The following KCNG3 variants were observed in gnomAD, a reference collection of about 807,000 sequenced individuals.
KCNG3 encodes the protein potassium voltage-gated channel modifier subfamily G member 3, also known as voltage-gated potassium channel regulatory subunit KCNG3.
KCNG3 carries 15 observed loss-of-function variants against 29.0 expected under a neutral mutation model. That is an observed-to-expected ratio of 0.52 (90% CI 0.35 to 0.80). KCNG3 has a LOEUF of 0.80. Ranked by LOEUF, KCNG3 falls within the 30% of genes least tolerant of loss-of-function variation. The pLI is 0.01. For synonymous variants in KCNG3, 322 were observed against 248.9 expected, an observed-to-expected ratio of 1.29 and a Z score of -2.76; for missense variants, 512 against 605.7, an observed-to-expected ratio of 0.85 and a Z score of 1.62.
At chr2:42,469,331 C>A (rs552575017) in intron 1 of KCNG3, among the ~76,000 whole-genome samples, 1 of 151,056 alleles carries the variant, frequency 6.6e-6, no homozygotes, top group South Asian at 2.1e-4. Context: ...GCAGAAGAAT[C>A]GCTTGAACCC....
chr2:42,492,847 C>G lies in KCNG3; in HGVS notation c.655G>C (p.Glu219Gln). 1 of 1,498,568 alleles carries G rather than the reference C, an allele frequency of 6.7e-7. No homozygotes were observed. Among genetic ancestry groups the G allele is most frequent in the East Asian group, 2.5e-5 (1 of 40,414 alleles). The allele number at this position is 1,498,568 out of a possible 1,614,324, so 92.8% of individuals were successfully genotyped here. A position where few individuals can be genotyped will look rare whatever the true frequency, so the allele number is the denominator to read the frequency against. Residue 219 changes from glutamate to glutamine, a missense_variant, in exon 1 of 2, where the codon GAG becomes CAG. Transcript: ENST00000306078. ...RSRYSAGPGREPSGIIEAICI... is the reference protein window; with the variant it reads ...RSRYSAGPGRQPSGIIEAICI... ...AGCAGTGCGTCCTACCCGGAGGGCT[C>G]CCTCCCAGGGCCGGCGGAGTACCTG...
At chr2:42,411,258 T>A in the KCNG3 span, among the ~76,000 whole-genome samples, 2 of 152,230 alleles carry the variant, frequency 1.3e-5, no homozygotes, top group East Asian at 3.8e-4. Context: ...ATTCTTGCCA[T>A]TCTTGTTTAT....
rs540610922 is a variant in KCNG3 at position 42,469,560 on chromosome 2, G to A, written c.665+23277C>T. 1.7e-4 allele frequency among the ~76,000 whole-genome samples: 26 copies of A among 152,124 alleles called. No individual in the cohort carries two copies. The East Asian group carries it at 4.6e-3, about 27-fold the overall frequency. ...TAGTGCTAAGGAAAGTGTTATCCAC[G>A]TGAATAAAATTAAATTCCTCACATA... On this transcript the variant is annotated intron_variant, in intron 1 of 1. Transcript: ENST00000306078.
the KCNG3 span, among the ~76,000 whole-genome samples, chr2:42,420,533 T>C: frequency 6.6e-6 from 1 of 152,146 alleles, no homozygotes; most frequent in African/African-American, 2.4e-5. Flanking sequence ...CTCATGTCTG[T>C]AATCCCAGCA....
At chr2:42,419,559 T>C in the KCNG3 span, among the ~76,000 whole-genome samples, 2 of 151,994 alleles carry the variant, frequency 1.3e-5, no homozygotes, top group Non-Finnish European at 2.9e-5. Flanking sequence ...AGCCCTCAGA[T>C]GGTATTTCTT....
chr2:42,449,080 T>G (rs1389605833), intron 1 of KCNG3, among the ~76,000 whole-genome samples: 2 of 152,196 alleles, frequency 1.3e-5, no homozygotes, highest in Non-Finnish European at 2.9e-5. Flanking sequence ...TGTTCAGATT[T>G]TGGTATATGT....
chr2:42,431,265 T>C, the KCNG3 span, among the ~76,000 whole-genome samples: 1 of 152,124 alleles, frequency 6.6e-6, no homozygotes, highest in African/African-American at 2.4e-5. Flanking sequence ...TAGTACTGAA[T>C]ACATTTATTT....
chr2:42,418,938 T>C, the KCNG3 span, among the ~76,000 whole-genome samples: 59 of 152,268 alleles, frequency 3.9e-4, no homozygotes, highest in South Asian at 8.1e-3. Context: ...TTATGGCTCA[T>C]AGTGATTAAT....
chr2:42,393,592 G>A, the KCNG3 span, among the ~76,000 whole-genome samples: 2 of 151,922 alleles, frequency 1.3e-5, no homozygotes, highest in African/African-American at 4.8e-5. Flanking sequence ...CCAAACATAA[G>A]AAGTTCAGAG....
the KCNG3 span, among the ~76,000 whole-genome samples, chr2:42,411,229 A>T: frequency 2.0e-5 from 3 of 151,800 alleles, no homozygotes; most frequent in Non-Finnish European, 4.4e-5. Context: ...CCCTTCATTG[A>T]TTTACTTTTT....
the KCNG3 span, among the ~76,000 whole-genome samples, chr2:42,389,010 C>T: frequency 6.6e-6 from 1 of 152,096 alleles, no homozygotes; most frequent in Non-Finnish European, 1.5e-5. Flanking sequence ...CCCTATCTCC[C>T]AGGTTCACGC....
At chr2:42,484,050 C>G (rs1673656372) in intron 1 of KCNG3, among the ~76,000 whole-genome samples, 1 of 152,152 alleles carries the variant, frequency 6.6e-6, no homozygotes, top group African/African-American at 2.4e-5. Flanking sequence ...TCCTAAAGTG[C>G]TAGGACTACA....
At chr2:42,414,518 C>T in the KCNG3 span, among the ~76,000 whole-genome samples, 1 of 150,636 alleles carries the variant, frequency 6.6e-6, no homozygotes, top group Non-Finnish European at 1.5e-5. Flanking sequence ...AATATTTTGT[C>T]ATTTCACTGC....
chr2:42,475,454 G>C (rs530668721), intron 1 of KCNG3, among the ~76,000 whole-genome samples: 1 of 151,112 alleles, frequency 6.6e-6, no homozygotes, highest in African/African-American at 2.4e-5. Context: ...TCAGCCTCCC[G>C]GATAGCTGGG....
At chr2:42,487,776 G>T (rs1293805238) in intron 1 of KCNG3, among the ~76,000 whole-genome samples, 1 of 152,120 alleles carries the variant, frequency 6.6e-6, no homozygotes, top group East Asian at 1.9e-4. Flanking sequence ...GTATCCTATG[G>T]ATATACCTGC....
downstream of KCNG3, among the ~76,000 whole-genome samples, chr2:42,441,376 A>G (rs983669219): frequency 6.6e-6 from 1 of 152,116 alleles, no homozygotes; most frequent in Admixed American, 6.6e-5. Flanking sequence ...CAACCAAGCA[A>G]AACTCTATCT....
chr2:42,483,295 C>T (rs13015026), intron 1 of KCNG3, among the ~76,000 whole-genome samples: 38,808 of 151,974 alleles, frequency 0.26, 5,050 homozygotes, highest in Middle Eastern at 0.36. Flanking sequence ...ATATTTTAGA[C>T]GGAAATTTAG....
intron 1 of KCNG3, chr2:42,463,204 G>A: frequency 5.8e-6 from 2 of 347,590 alleles, no homozygotes; most frequent in Non-Finnish European, 5.5e-6. Flanking sequence ...CCATCCAGCT[G>A]AGCTGACAGC....
intron 1 of KCNG3, among the ~76,000 whole-genome samples, chr2:42,486,613 A>G (rs1673732421): frequency 6.6e-6 from 1 of 152,186 alleles, no homozygotes; most frequent in African/African-American, 2.4e-5. Context: ...TCCTGTAGAC[A>G]AGCCCAGCCC....
Sources: allele counts gnomAD v4.1 joint callset (sites outside exome capture counted in the v4.1 genomes callset), GRCh38; gene constraint gnomAD v4.1.1; transcripts MANE v1.5; gene names NCBI Gene and HGNC (gene_info 2026-07-23, HGNC 2026-07-21).